NDST3: variants seen among roughly 807,000 people sequenced by gnomAD.
NDST3 encodes bifunctional heparan sulfate N-deacetylase/N-sulfotransferase 3.
NDST3 carries 58 observed loss-of-function variants against 96.1 expected under a neutral mutation model. The observed-to-expected ratio is 0.60, with a 90% confidence interval of 0.49 to 0.75. The LOEUF is 0.75. Among genes scored for constraint, NDST3 ranks in the 30% least tolerant of loss-of-function variants. NDST3 has a pLI of 0.00. For synonymous variants in NDST3, 333 were observed against 359.7 expected (o/e 0.93, Z 0.84); for missense variants, 788 against 1,034.2 (o/e 0.76, Z 3.27).
intron 2 of NDST3, among the ~76,000 whole-genome samples, chr4:118,092,582 T>G (rs1327872952): frequency 3.3e-5 from 5 of 151,810 alleles, no homozygotes; most frequent in Non-Finnish European, 5.9e-5. Context: ...GAAATATCTT[T>G]CCACAATTTT....
chr4:118,105,506 C>T (rs1730101166), intron 3 of NDST3, among the ~76,000 whole-genome samples: 1 of 152,114 alleles, frequency 6.6e-6, no homozygotes, highest in Non-Finnish European at 1.5e-5. Context: ...CTTCTAATAT[C>T]ATGAATTAGT....
At chr4:118,200,268 G>A (rs900662994) in intron 6 of NDST3, among the ~76,000 whole-genome samples, 6 of 152,276 alleles carry the variant, frequency 3.9e-5, no homozygotes, top group East Asian at 1.9e-4. Flanking sequence ...ACCACAAGAC[G>A]CAGCGCTTCC....
At chr4:118,232,918 G>T in intron 8 of NDST3, 94 bp from the exon 9 acceptor site, 1 of 1,218,166 alleles carries the variant, frequency 8.2e-7, no homozygotes, top group Non-Finnish European at 1.2e-6. Context: ...AATCTGTTTG[G>T]ATCATTCTAA....
rs909070616 is a variant in NDST3 at position 118,194,618 on chromosome 4, A to C, written c.1540-29873A>C. The C allele has an allele frequency of 4.2e-6, 3 of 716,986 alleles. No homozygotes were observed. The African/African-American group carries it at 5.2e-5, about 13-fold the overall frequency. 44.4% of individuals were successfully genotyped at this position (716,986 alleles called of 1,614,324 possible). On this transcript the variant is annotated intron_variant, in intron 6 of 13. Transcript: ENST00000296499. ...AAAGATTCAGTCCCCAATCATGGGC[A>C]TCTCTGTACCTGTGCCCTCTCTCGA... is the stretch of plus-strand genomic sequence containing the variant.
At chr4:118,198,785 CTTTAT>C (rs1578802568) in intron 6 of NDST3, among the ~76,000 whole-genome samples, 1 of 151,104 alleles carries the variant, frequency 6.6e-6, no homozygotes, top group East Asian at 1.9e-4. Flanking sequence ...CTAGGAAAGT[CTTTAT>C]TTTTTCTTCA....
Position 118,205,377 on chromosome 4 carries a change from T to C in NDST3, c.1540-19114T>C, listed in dbSNP as rs1195956408. ...TTGAGTTTATCTATTTATATATCATTTAAAAAACAGAATGGAAATCTTCCT... is the reference window on the plus strand; with the variant it reads ...TTGAGTTTATCTATTTATATATCATCTAAAAAACAGAATGGAAATCTTCCT... On this transcript the variant is annotated intron_variant, in intron 6 of 13. Transcript: ENST00000296499. 3.5e-5 allele frequency among the ~76,000 whole-genome samples: 5 copies of C among 144,766 alleles called. 1 individual carries two copies. 95.0% of individuals were successfully genotyped at this position (144,766 alleles called of 152,430 possible).
intron 6 of NDST3, among the ~76,000 whole-genome samples, chr4:118,216,192 A>G (rs1251757526): frequency 6.6e-6 from 1 of 152,148 alleles, no homozygotes; most frequent in Admixed American, 6.6e-5. Context: ...TAATCGTAGC[A>G]GAGAAGTTCA....
At chr4:118,218,461 A>G (rs964688304) in intron 6 of NDST3, among the ~76,000 whole-genome samples, 2 of 152,198 alleles carry the variant, frequency 1.3e-5, no homozygotes, top group East Asian at 3.8e-4. Context: ...ATCTCAATAG[A>G]TGCAGAAAAG....
intron 4 of NDST3, among the ~76,000 whole-genome samples, chr4:118,122,249 C>G (rs1231168054): frequency 1.3e-5 from 2 of 152,246 alleles, no homozygotes; most frequent in South Asian, 2.1e-4. Flanking sequence ...TGGGGGAGGT[C>G]TATTTCCAGA....
chr4:118,174,692 G>T (rs889483537), intron 6 of NDST3, among the ~76,000 whole-genome samples: 10 of 152,126 alleles, frequency 6.6e-5, no homozygotes, highest in African/African-American at 2.4e-4. Context: ...GAAGACTCAT[G>T]AGCATTCAGA....
At chr4:118,058,181 C>A (rs1725587518) in intron 2 of NDST3, among the ~76,000 whole-genome samples, 1 of 151,544 alleles carries the variant, frequency 6.6e-6, no homozygotes, top group African/African-American at 2.4e-5. Context: ...CTGTTATGTA[C>A]AAAATTGGAA....
rs907646125 is a variant in NDST3 at position 118,167,054 on chromosome 4, GAA to G, written c.1539+23380_1539+23381del. On this transcript the variant is annotated intron_variant, in intron 6 of 13. Transcript: ENST00000296499. ...AGTACTAGCCATAGCAGTTAGGCAAGAAAAAAAAAAAGACATCCAAATTGTAA... is the reference window on the plus strand; with the variant it reads ...AGTACTAGCCATAGCAGTTAGGCAAGAAAAAAAAAGACATCCAAATTGTAA... Among the ~76,000 whole-genome samples the G allele has an allele frequency of 7.2e-4, 100 of 138,270 alleles. 1 individual carries two copies. Among genetic ancestry groups the G allele is most frequent in the Admixed American group, 5.8e-3 (80 of 13,906 alleles). The allele number at this position is 138,270 out of a possible 152,430, so 90.7% of individuals were successfully genotyped here.
intron 12 of NDST3, among the ~76,000 whole-genome samples, chr4:118,249,687 T>C (rs1162933815): frequency 2.0e-5 from 3 of 151,768 alleles, no homozygotes; most frequent in South Asian, 2.1e-4. Flanking sequence ...GGGCTAGAGT[T>C]ATAAATTCTA....
chr4:118,159,139 G>A (rs1457339602), intron 6 of NDST3, among the ~76,000 whole-genome samples: 1 of 152,130 alleles, frequency 6.6e-6, no homozygotes, highest in Non-Finnish European at 1.5e-5. Context: ...TTTTGGCAGG[G>A]GACAGAGGGG....
chr4:118,048,225 G>A (rs1340880116), intron 1 of NDST3, among the ~76,000 whole-genome samples: 1 of 151,962 alleles, frequency 6.6e-6, no homozygotes, highest in African/African-American at 2.4e-5. Flanking sequence ...AGGTTCTTAG[G>A]GAGTGCTGAA....
chr4:118,042,385 G>C (rs1353008569), intron 1 of NDST3, among the ~76,000 whole-genome samples: 1 of 152,050 alleles, frequency 6.6e-6, no homozygotes, highest in East Asian at 1.9e-4. Context: ...ATGGATTACA[G>C]CAGCAGCCCC....
chr4:118,238,164 AAAGAAAG>A (rs1370282647), intron 10 of NDST3, among the ~76,000 whole-genome samples: 98 of 20,410 alleles, frequency 4.8e-3, no homozygotes, highest in Middle Eastern at 0.043. Flanking sequence ...GAAAAGAAAG[AAAGAAAG>A]AAAGAAAGAA....
intron 6 of NDST3, among the ~76,000 whole-genome samples, chr4:118,202,758 C>T (rs1738175864): frequency 6.6e-6 from 1 of 152,168 alleles, no homozygotes; most frequent in Non-Finnish European, 1.5e-5. Flanking sequence ...ATGTTATCAG[C>T]AAACAGGGAG....
chr4:118,236,400 C>T (rs1024366684), intron 9 of NDST3, among the ~76,000 whole-genome samples: 6 of 152,096 alleles, frequency 3.9e-5, no homozygotes, highest in Non-Finnish European at 5.9e-5. Context: ...TAGAACATGA[C>T]CTTGGGAAAT....
Sources: allele counts gnomAD v4.1 joint callset (sites outside exome capture counted in the v4.1 genomes callset), GRCh38; gene constraint gnomAD v4.1.1; transcripts MANE v1.5; gene names NCBI Gene and HGNC (gene_info 2026-07-23, HGNC 2026-07-21).